SLC17A8: variants seen among roughly 807,000 people sequenced by gnomAD.
The protein encoded by SLC17A8 is vesicular glutamate transporter 3.
A neutral mutation model predicts 58.0 loss-of-function variants in SLC17A8; 31 were observed. The observed-to-expected ratio is 0.53, with a 90% CI of 0.40 to 0.72. The LOEUF (loss-of-function observed/expected upper bound fraction) is 0.72, where lower values mean the gene tolerates loss of function less well. Ranked by LOEUF, SLC17A8 falls within the 30% of genes least tolerant of loss-of-function variation. The pLI is 0.00. For synonymous variants in SLC17A8, 228 were observed against 249.0 expected (o/e 0.92, Z 0.79); for missense variants, 655 against 727.8 (o/e 0.90, Z 1.15).
At chr12:100,395,147 T>C (rs907958178) in intron 4 of SLC17A8, among the ~76,000 whole-genome samples, 6 of 151,960 alleles carry the variant, frequency 3.9e-5, no homozygotes, top group Admixed American at 1.3e-4. Flanking sequence ...TATGATAATA[T>C]GAAATATAAA....
intron 1 of SLC17A8, among the ~76,000 whole-genome samples, chr12:100,371,793 C>G (rs1044185079): frequency 6.6e-6 from 1 of 152,192 alleles, no homozygotes; most frequent in African/African-American, 2.4e-5. Flanking sequence ...AGGTGATCCA[C>G]CTGCCTTGGC....
chr12:100,409,645 A>G (rs1337402957), intron 9 of SLC17A8, among the ~76,000 whole-genome samples: 1 of 152,204 alleles, frequency 6.6e-6, no homozygotes, highest in Admixed American at 6.5e-5. Flanking sequence ...GGTTGAGGGT[A>G]GGGAGAGGGT....
chr12:100,408,434 T>C (rs1952842058), intron 9 of SLC17A8, among the ~76,000 whole-genome samples: 1 of 152,198 alleles, frequency 6.6e-6, no homozygotes, highest in African/African-American at 2.4e-5. Context: ...TAATATGAAA[T>C]AAAATATTTC....
chr12:100,357,253 AT>A lies in SLC17A8; in HGVS notation c.-135del. 1.4e-6 allele frequency: 1 copy of A among 720,666 alleles called. No homozygotes were observed. 44.6% of individuals were successfully genotyped at this position (720,666 alleles called of 1,614,324 possible). A position where few individuals can be genotyped will look rare whatever the true frequency, so the allele number is the denominator to read the frequency against. On this transcript the variant is annotated 5_prime_UTR_variant, in exon 1 of 12. Transcript: ENST00000323346. The stretch of plus-strand genomic sequence containing the variant: ...CGAGCTGGGTTTCATCTCCTTTTTG[AT>A]TTTGAGTAGTTCCCTCCACGAGAAC...
chr12:100,388,638 T>G lies in SLC17A8; in HGVS notation c.355-2363T>G, dbSNP rs114387753. Among the ~76,000 whole-genome samples the G allele has an allele frequency of 7.6e-3, 1,162 of 152,284 alleles. 5 individuals are homozygous for G. Among genetic ancestry groups the G allele is most frequent in the Non-Finnish European group, 0.012 (822 of 68,028 alleles). On this transcript the variant is annotated intron_variant, in intron 2 of 11. Transcript: ENST00000323346. ...TATTTACACTGTCCAGCACCTAACA[T>G]TGCATTCAGGAAGCACAGGACGAAC...
At chr12:100,382,996 C>A (rs956380925) in intron 2 of SLC17A8, among the ~76,000 whole-genome samples, 2 of 152,126 alleles carry the variant, frequency 1.3e-5, no homozygotes, top group African/African-American at 4.8e-5. Flanking sequence ...AAAAGGATAT[C>A]CTGTCTTTTG....
intron 2 of SLC17A8, among the ~76,000 whole-genome samples, chr12:100,383,626 A>C (rs565621916): frequency 2.0e-5 from 3 of 152,364 alleles, no homozygotes; most frequent in East Asian, 3.9e-4. Context: ...GAGAGAAATA[A>C]GCAGTATGAA....
rs199746996 is a variant in SLC17A8, at chr12:100,380,708, G to A, written c.109G>A (p.Asp37Asn). ...ATCCTTTTTCCCATGTAGAAAAATC[G>A]ATGGGACAACTGAGGAAGAAGATAA... ...DSLGILQRKI[D>N]GTTEEEDNIE... The change falls in exon 2 of 12, where the codon GAT becomes AAT. Residue 37 changes from aspartate to asparagine, a missense_variant. Transcript: ENST00000323346. 1.5e-5 allele frequency: 25 copies of A among 1,613,360 alleles called. No individual in the cohort carries two copies. Among genetic ancestry groups the A allele is most frequent in the African/African-American group, 5.4e-5 (4 of 74,744 alleles).
intron 4 of SLC17A8, 67 bp downstream of exon 4, chr12:100,393,550 C>A: frequency 8.4e-7 from 1 of 1,188,978 alleles, no homozygotes; most frequent in Non-Finnish European, 1.3e-6. Flanking sequence ...GAAAATTCAC[C>A]TTCTGAAGAA....
At position 100,378,441 on chromosome 12, in the gene SLC17A8, CAGG is replaced by C. The variant is rs140050516; in HGVS notation, c.102-2254_102-2252del. ...TGGCTGGAGTGGGTCCAGGAGAGAA[CAGG>C]AGGAGAGGAATTGAAGACAGTCATT... On this transcript the variant is annotated intron_variant, in intron 1 of 11. Coordinates refer to ENST00000323346, the MANE Select transcript of SLC17A8 (RefSeq NM_139319.3). Among the ~76,000 whole-genome samples, 1,272 of 151,746 alleles carry C rather than the reference CAGG, an allele frequency of 8.4e-3. 6 individuals are homozygous for C. The highest frequency in any genetic ancestry group is 0.017 in the Middle Eastern group (5 of 294).
intron 1 of SLC17A8, among the ~76,000 whole-genome samples, chr12:100,369,784 A>G (rs1262065434): frequency 2.6e-5 from 4 of 152,260 alleles, no homozygotes; most frequent in Non-Finnish European, 4.4e-5. Flanking sequence ...TGTCTGCTAC[A>G]TATGTGTGCT....
intron 1 of SLC17A8, among the ~76,000 whole-genome samples, chr12:100,365,953 T>G (rs979966847): frequency 3.3e-5 from 5 of 152,060 alleles, no homozygotes; most frequent in African/African-American, 1.2e-4. Flanking sequence ...TAGCCTCCTT[T>G]CTAATGGATA....
chr12:100,391,461 C>T (rs1253817132), intron 3 of SLC17A8, among the ~76,000 whole-genome samples: 11 of 150,156 alleles, frequency 7.3e-5, no homozygotes, highest in Admixed American at 1.3e-4. Context: ...TGCACCACTA[C>T]ACCCAGCTAA....
chr12:100,386,832 G>A lies in SLC17A8; in HGVS notation c.355-4169G>A, dbSNP rs957084478. 5.9e-5 allele frequency among the ~76,000 whole-genome samples: 9 copies of A among 152,042 alleles called. No homozygotes were observed. The South Asian group carries it at 6.2e-4, about 11-fold the overall frequency. ...GCCTCCTGAGTAGTTGGGATTACAG[G>A]CATGTGCCACCATGCCAGGCTAATT... is the stretch of plus-strand genomic sequence containing the variant. On this transcript the variant is annotated intron_variant, in intron 2 of 11. Coordinates refer to ENST00000323346, the MANE Select transcript of SLC17A8 (RefSeq NM_139319.3).
At position 100,420,925 on chromosome 12, in the gene SLC17A8, G is replaced by A. The variant is rs1167841694; in HGVS notation, c.*766G>A. ...GAGAGGCTAGATTCAAAGACCCTCAGTGTTCTATGTTATCTGAAGAGTCAA... is the reference window on the plus strand; with the variant it reads ...GAGAGGCTAGATTCAAAGACCCTCAATGTTCTATGTTATCTGAAGAGTCAA... On this transcript the variant is annotated 3_prime_UTR_variant, in exon 12 of 12. Coordinates refer to ENST00000323346, the MANE Select transcript of SLC17A8 (RefSeq NM_139319.3). 2 of 152,232 alleles carry A rather than the reference G, an allele frequency of 1.3e-5. No individual in the cohort carries two copies. Among genetic ancestry groups the A allele is most frequent in the Non-Finnish European group, 2.9e-5 (2 of 68,040 alleles). The allele number at this position is 152,232 out of a possible 1,614,324, so 9.4% of individuals were successfully genotyped here.
At chr12:100,404,431 C>G (rs1283728654) in intron 9 of SLC17A8, 1 of 455,400 alleles carries the variant, frequency 2.2e-6, no homozygotes. Flanking sequence ...TTCTACCTAT[C>G]CATATGTTTT....
chr12:100,399,689 C>T (rs1952778224), intron 5 of SLC17A8, among the ~76,000 whole-genome samples: 1 of 152,078 alleles, frequency 6.6e-6, no homozygotes, highest in Admixed American at 6.6e-5. Context: ...GGAAATCCGC[C>T]CCCATGACCC....
chr12:100,377,586 T>TATATATATATATATATA (rs57938207), intron 1 of SLC17A8, among the ~76,000 whole-genome samples: 3 of 43,356 alleles, frequency 6.9e-5, no homozygotes, highest in Admixed American at 4.9e-4. Context: ...TATATATATA[T>TATATATATATATATATA]TTTTTTTTTT....
intron 1 of SLC17A8, among the ~76,000 whole-genome samples, chr12:100,362,057 T>C (rs1400928650): frequency 1.3e-5 from 2 of 152,162 alleles, no homozygotes; most frequent in African/African-American, 4.8e-5. Context: ...GGGAAGGCTC[T>C]GGAGCACAAG....
Sources: allele counts gnomAD v4.1 joint callset (sites outside exome capture counted in the v4.1 genomes callset), GRCh38; gene constraint gnomAD v4.1.1; transcripts MANE v1.5; gene names NCBI Gene and HGNC (gene_info 2026-07-23, HGNC 2026-07-21).